The following WDR17 variants were observed in gnomAD, a reference collection of about 807,000 sequenced individuals.
WDR17 encodes the protein WD repeat-containing protein 17.
A neutral mutation model predicts 161.7 loss-of-function variants in WDR17; 143 were observed. The ratio of observed to expected loss-of-function variants is 0.88; its 90% CI spans 0.77 to 1.02. The LOEUF is 1.02. Ranked by LOEUF, WDR17 falls within the 50% of genes least tolerant of loss-of-function variation. The pLI, the probability that WDR17 is intolerant of heterozygous loss-of-function variation, is 0.00. For missense variants in WDR17, 1,469 were observed against 1,520.9 expected (o/e 0.97, Z 0.57); for synonymous variants, 517 against 515.6 (o/e 1.00, Z -0.04).
intron 22 of WDR17, among the ~76,000 whole-genome samples, chr4:176,164,185 C>G (rs185055887): frequency 6.6e-6 from 1 of 152,270 alleles, no homozygotes; most frequent in East Asian, 1.9e-4. Context: ...TGTAAAAATT[C>G]ACTAGGTTCT....
chr4:176,105,646 T>G (rs1038046906), intron 1 of WDR17, among the ~76,000 whole-genome samples: 1 of 152,036 alleles, frequency 6.6e-6, no homozygotes, highest in Non-Finnish European at 1.5e-5. Flanking sequence ...CAAGGGAAAG[T>G]AGAAAACTCT....
Position 176,151,797 on chromosome 4 carries a change from T to C in WDR17, c.2305-15T>C. The C allele has an allele frequency of 1.3e-6, 2 of 1,546,984 alleles. No homozygotes were observed. The highest frequency in any genetic ancestry group is 1.3e-5 in the South Asian group (1 of 79,948). ...TGTCAAATTTTTTTAAATTCTATTT[T>C]CTTTTTAAAACCAGTCTGAAGCTCA... is the stretch of plus-strand genomic sequence containing the variant. On this transcript the variant is annotated splice_polypyrimidine_tract_variant and intron_variant, in intron 16 of 28. Transcript: ENST00000508596.
At chr4:176,134,010 G>A (rs1038498393) in intron 7 of WDR17, among the ~76,000 whole-genome samples, 2 of 151,850 alleles carry the variant, frequency 1.3e-5, no homozygotes, top group Admixed American at 6.6e-5. Flanking sequence ...AAAACTGCAT[G>A]TAAGTCCCTG....
Position 176,179,502 on chromosome 4 carries a change from T to C in WDR17, c.3775T>C (p.Leu1259=). Residue 1259 remains leucine (L), a synonymous_variant, in exon 29 of 29, where the codon TTG becomes CTG. Coordinates refer to ENST00000508596, the MANE Select transcript of WDR17 (RefSeq NM_181265.4). ...TGAAGACGGGAAATCTGCTATCTCC[T>C]TGAATGATGCTTTGATGTGGGCAAA... The part of the protein sequence containing the change: ...FLEDGKSAIS[L]NDALMWAKVN... 1.2e-6 allele frequency: 2 copies of C among 1,607,358 alleles called. No individual in the cohort carries two copies. Among genetic ancestry groups the C allele is most frequent in the Non-Finnish European group, 1.7e-6 (2 of 1,176,228 alleles).
intron 2 of WDR17, among the ~76,000 whole-genome samples, chr4:176,113,403 A>G (rs142132214): frequency 8.5e-4 from 130 of 152,164 alleles, no homozygotes; most frequent in African/African-American, 2.9e-3. Flanking sequence ...AATATTTTAA[A>G]ATATTGAGGT....
chr4:176,156,222 A>G (rs1474988447), intron 18 of WDR17, 79 bp downstream of exon 18: 1 of 1,351,612 alleles, frequency 7.4e-7, no homozygotes, highest in Non-Finnish European at 1.0e-6. Flanking sequence ...ATATGGCAGT[A>G]GCTCTTGAAA....
chr4:176,151,572 T>C (rs1324114296), intron 16 of WDR17, among the ~76,000 whole-genome samples: 7 of 152,188 alleles, frequency 4.6e-5, no homozygotes, highest in South Asian at 4.1e-4. Context: ...TTTTTAATTA[T>C]TATGGATGCA....
chr4:176,168,643 T>G, intron 22 of WDR17, 29 bp from the exon 23 acceptor site: 8 of 1,612,562 alleles, frequency 5.0e-6, no homozygotes, highest in Non-Finnish European at 6.8e-6. Flanking sequence ...TTCTCCTCAA[T>G]GAAGTGTCCC....
At chr4:176,113,516 G>A (rs1347552124) in intron 2 of WDR17, among the ~76,000 whole-genome samples, 2 of 151,974 alleles carry the variant, frequency 1.3e-5, no homozygotes, top group Non-Finnish European at 2.9e-5. Context: ...AATAAACTTA[G>A]GGGACAGTTC....
chr4:176,176,411 C>T (rs573241791), intron 26 of WDR17, among the ~76,000 whole-genome samples: 6 of 152,188 alleles, frequency 3.9e-5, no homozygotes, highest in African/African-American at 1.4e-4. Context: ...TTCATTCTCT[C>T]GTCCTCTGCT....
chr4:176,121,798 A>G (rs918594772), intron 4 of WDR17, among the ~76,000 whole-genome samples: 5 of 152,210 alleles, frequency 3.3e-5, no homozygotes, highest in Non-Finnish European at 7.3e-5. Flanking sequence ...GAAAAGAAAA[A>G]AGACTACCTT....
chr4:176,081,362 T>A (rs1296989741), intron 1 of WDR17, among the ~76,000 whole-genome samples: 5 of 152,118 alleles, frequency 3.3e-5, no homozygotes, highest in African/African-American at 1.2e-4. Flanking sequence ...CCTTTTTACG[T>A]GCCATTATAC....
chr4:176,085,618 A>T (rs1735326773), intron 1 of WDR17, among the ~76,000 whole-genome samples: 1 of 151,936 alleles, frequency 6.6e-6, no homozygotes, highest in Non-Finnish European at 1.5e-5. Flanking sequence ...TTATTTTTTT[A>T]TGTCAGTAAG....
At chr4:176,076,703 TC>T (rs1478906267) in intron 1 of WDR17, among the ~76,000 whole-genome samples, 2 of 152,086 alleles carry the variant, frequency 1.3e-5, no homozygotes, top group African/African-American at 4.8e-5. Context: ...TTTGTTTTTT[TC>T]ATAATCATTA....
At chr4:176,124,666 A>G (rs940646544) in intron 4 of WDR17, among the ~76,000 whole-genome samples, 3 of 152,222 alleles carry the variant, frequency 2.0e-5, no homozygotes, top group African/African-American at 7.2e-5. Flanking sequence ...AAAGCTAGTA[A>G]GAAGCAGAAC....
intron 1 of WDR17, among the ~76,000 whole-genome samples, chr4:176,103,146 A>G (rs1014568203): frequency 6.6e-6 from 1 of 152,142 alleles, no homozygotes; most frequent in Non-Finnish European, 1.5e-5. Flanking sequence ...GGAGCCATCC[A>G]TTAAAGCCTA....
At chr4:176,166,938 A>G (rs1749862587) in intron 22 of WDR17, among the ~76,000 whole-genome samples, 2 of 152,140 alleles carry the variant, frequency 1.3e-5, no homozygotes, top group Admixed American at 1.3e-4. Context: ...CTAGAAAACT[A>G]TTTATTAGTA....
intron 4 of WDR17, among the ~76,000 whole-genome samples, chr4:176,124,170 G>A (rs569769799): frequency 6.6e-6 from 1 of 152,100 alleles, no homozygotes; most frequent in Non-Finnish European, 1.5e-5. Flanking sequence ...CTTCCTTTAC[G>A]ATACTTATGA....
At chr4:176,083,652 A>T (rs115975263) in intron 1 of WDR17, among the ~76,000 whole-genome samples, 3 of 152,106 alleles carry the variant, frequency 2.0e-5, no homozygotes, top group Non-Finnish European at 4.4e-5. Context: ...ATTCTAATAC[A>T]TGTCTTTTGA....
Sources: allele counts gnomAD v4.1 joint callset (sites outside exome capture counted in the v4.1 genomes callset), GRCh38; gene constraint gnomAD v4.1.1; transcripts MANE v1.5; gene names NCBI Gene and HGNC (gene_info 2026-07-23, HGNC 2026-07-21).